Variants in IL6ST observed in about 807,000 individuals in gnomAD.
IL6ST encodes the protein interleukin-6 receptor subunit beta.
Under a neutral mutation model 91.3 loss-of-function variants are expected in IL6ST, and 24 were observed. The ratio of observed to expected loss-of-function variants is 0.26; its 90% confidence interval spans 0.19 to 0.37. The LOEUF is 0.37. Ranked by LOEUF, IL6ST falls within the 10% of genes least tolerant of loss-of-function variation. The pLI is 1.00. For missense variants in IL6ST, 914 were observed against 1,078.5 expected (o/e 0.85, Z 2.14); for synonymous variants, 351 against 373.6 (o/e 0.94, Z 0.70).
intron 14 of IL6ST, among the ~76,000 whole-genome samples, chr5:55,947,857 T>A (rs1006128305): frequency 1.3e-5 from 2 of 152,172 alleles, no homozygotes; most frequent in Non-Finnish European, 2.9e-5. Flanking sequence ...AAATGATCAG[T>A]GTATCGGGTA....
chr5:55,935,588 GGCTGAGCTTCCT>G lies in IL6ST; in HGVS notation c.*5482_*5493del, dbSNP rs1381901276. 2 of 218,846 alleles carry G rather than the reference GGCTGAGCTTCCT, an allele frequency of 9.1e-6. No homozygotes were observed. The highest frequency in any genetic ancestry group is 4.5e-5 in the African/African-American group (2 of 44,480). The allele number at this position is 218,846 out of a possible 1,614,324, so 13.6% of individuals were successfully genotyped here. A position where few individuals can be genotyped will look rare whatever the true frequency, so the allele number is the denominator to read the frequency against. On this transcript the variant is annotated 3_prime_UTR_variant, in exon 17 of 17. Transcript: ENST00000381298. The stretch of plus-strand genomic sequence containing the variant: ...AAGCTGTTCACCCTGCTTTCGAGTT[GGCTGAGCTTCCT>G]GCTGCTTTCACACATTCTTCTTTTT...
Position 55,982,826 on chromosome 5 carries a change from G to A in IL6ST, c.-103-15C>T, listed in dbSNP as rs1753740987. Reference sequence around the variant, plus strand: ...ATTGGGTTTCACTGTAAAGAGAGGAGAGTCTTGTTCAGAAGGCTGGCTTTG... The same window carrying A: ...ATTGGGTTTCACTGTAAAGAGAGGAAAGTCTTGTTCAGAAGGCTGGCTTTG... On this transcript the variant is annotated splice_polypyrimidine_tract_variant and intron_variant, in intron 1 of 16. Coordinates refer to ENST00000381298, the MANE Select transcript of IL6ST (RefSeq NM_002184.4). The A allele has an allele frequency of 2.5e-6, 1 of 398,230 alleles. No individual in the cohort carries two copies. The highest frequency in any genetic ancestry group is 3.6e-5 in the East Asian group (1 of 27,980). The allele number at this position is 398,230 out of a possible 1,614,324, so 24.7% of individuals were successfully genotyped here. A position where few individuals can be genotyped will look rare whatever the true frequency, so the allele number is the denominator to read the frequency against.
At chr5:55,972,920 G>C (rs1384508378) in intron 3 of IL6ST, among the ~76,000 whole-genome samples, 1 of 151,692 alleles carries the variant, frequency 6.6e-6, no homozygotes, top group African/African-American at 2.4e-5. Context: ...CAGGAGAATT[G>C]CTTGAACCTG....
intron 13 of IL6ST, 94 bp from the exon 14 acceptor site, chr5:55,951,698 G>C (rs148964955): frequency 4.8e-6 from 6 of 1,261,764 alleles, no homozygotes; most frequent in African/African-American, 4.5e-5. Context: ...AAAAAGAAGC[G>C]AAGTATTTTT....
chr5:55,977,294 A>G (rs2111864979), intron 2 of IL6ST, among the ~76,000 whole-genome samples: 1 of 151,808 alleles, frequency 6.6e-6, no homozygotes, highest in East Asian at 1.9e-4. Context: ...GGGTCTCACT[A>G]TGTTGCCCAG....
chr5:55,986,103 G>C (rs745436538), intron 1 of IL6ST, among the ~76,000 whole-genome samples: 5 of 152,218 alleles, frequency 3.3e-5, no homozygotes, highest in Non-Finnish European at 5.9e-5. Flanking sequence ...GCTGCTGGTA[G>C]AGTGTTACAT....
At chr5:55,957,151 G>C in intron 9 of IL6ST, 58 bp downstream of exon 9, 2 of 869,758 alleles carry the variant, frequency 2.3e-6, no homozygotes, top group East Asian at 3.1e-5. Flanking sequence ...AGCGAGACTC[G>C]GTTTCAAAAA....
chr5:55,992,014 T>C (rs1158599701), intron 1 of IL6ST, among the ~76,000 whole-genome samples: 1 of 152,218 alleles, frequency 6.6e-6, no homozygotes, highest in Non-Finnish European at 1.5e-5. Flanking sequence ...TCCTCTAACA[T>C]ACCTTGTTCT....
At chr5:55,962,057 A>G (rs999462291) in intron 7 of IL6ST, among the ~76,000 whole-genome samples, 1 of 152,232 alleles carries the variant, frequency 6.6e-6, no homozygotes, top group Non-Finnish European at 1.5e-5. Context: ...AGGAGATTAA[A>G]TACAGATAAA....
At chr5:55,947,077 G>A (rs553712856) in intron 15 of IL6ST, among the ~76,000 whole-genome samples, 85 of 152,150 alleles carry the variant, frequency 5.6e-4, no homozygotes, top group African/African-American at 1.9e-3. Context: ...GGTGGTGGGC[G>A]CCTGTAATCC....
intron 1 of IL6ST, among the ~76,000 whole-genome samples, chr5:55,988,767 C>T (rs1388324342): frequency 1.0e-5 from 1 of 99,186 alleles, no homozygotes; most frequent in Admixed American, 1.1e-4. Flanking sequence ...ACTCCATCTC[C>T]AAAAAAAAAA....
chr5:55,963,864 T>TTAA (rs1241208827), intron 6 of IL6ST, among the ~76,000 whole-genome samples: 1 of 152,168 alleles, frequency 6.6e-6, no homozygotes, highest in Non-Finnish European at 1.5e-5. Flanking sequence ...AAAACAGCTG[T>TTAA]TAAGTGTGGT....
intron 3 of IL6ST, among the ~76,000 whole-genome samples, chr5:55,971,457 G>C (rs1752958667): frequency 6.6e-6 from 1 of 152,124 alleles, no homozygotes; most frequent in Non-Finnish European, 1.5e-5. Context: ...AAATTATTTA[G>C]TGGCTACCTA....
intron 4 of IL6ST, among the ~76,000 whole-genome samples, chr5:55,968,959 C>T (rs1000696452): frequency 3.3e-5 from 5 of 152,078 alleles, no homozygotes; most frequent in African/African-American, 9.7e-5. Context: ...TTTGGGAGCC[C>T]GAGGCAAGTG....
chr5:55,969,596 G>T lies in IL6ST; in HGVS notation c.324C>A (p.Phe108Leu). Residue 108 changes from phenylalanine (F) to leucine (L), a missense_variant, in exon 4 of 17, where the codon TTC (phenylalanine) becomes TTA (leucine). Phe to Leu is a conservative substitution (Grantham distance 22). Coordinates refer to ENST00000381298, the MANE Select transcript of IL6ST (RefSeq NM_002184.4). ...CATAAACATTCTGTTCAAGCTGTCC[G>T]AATGTAAGAATGTTGCAAGTGAGCT... The part of the protein sequence containing the change: ...NIQLTCNILT[F>L]GQLEQNVYGI... The T allele has an allele frequency of 6.2e-7, 1 of 1,613,046 alleles. No homozygotes were observed. The highest frequency in any genetic ancestry group is 1.1e-5 in the South Asian group (1 of 91,018).
chr5:55,968,559 C>T (rs987020117), intron 4 of IL6ST, among the ~76,000 whole-genome samples, 163 bp from the exon 5 acceptor site: 6 of 152,144 alleles, frequency 3.9e-5, no homozygotes, highest in Non-Finnish European at 5.9e-5. Flanking sequence ...TCTTTTCTAT[C>T]CCAACTCTTA....
intron 14 of IL6ST, among the ~76,000 whole-genome samples, chr5:55,950,562 C>CA (rs954318396): frequency 5.9e-5 from 7 of 118,002 alleles, no homozygotes; most frequent in African/African-American, 2.0e-4. Flanking sequence ...AAAAAAAAAG[C>CA]AAAAAAAGGA....
At chr5:55,985,511 A>C (rs1753913364) in intron 1 of IL6ST, among the ~76,000 whole-genome samples, 1 of 144,014 alleles carries the variant, frequency 6.9e-6, no homozygotes, top group Admixed American at 7.2e-5. Context: ...ACAAAATGAG[A>C]CTCCTTCTCA....
At chr5:55,981,130 T>C (rs1256395801) in intron 2 of IL6ST, among the ~76,000 whole-genome samples, 1 of 152,238 alleles carries the variant, frequency 6.6e-6, no homozygotes, top group Admixed American at 6.5e-5. Flanking sequence ...AGTAGTACCA[T>C]GGAACACAAG....
Sources: allele counts gnomAD v4.1 joint callset (sites outside exome capture counted in the v4.1 genomes callset), GRCh38; gene constraint gnomAD v4.1.1; transcripts MANE v1.5; gene names NCBI Gene and HGNC (gene_info 2026-07-23, HGNC 2026-07-21).